Variants in FAM107A observed in about 807,000 individuals in gnomAD.
FAM107A encodes actin-associated protein FAM107A.
FAM107A carries 19 observed loss-of-function variants against 13.7 expected under a neutral mutation model. That is an observed-to-expected ratio of 1.38 (90% CI 0.97 to 2.03). The LOEUF (loss-of-function observed/expected upper bound fraction) is 2.03, where lower values mean the gene tolerates loss of function less well. FAM107A is among the 30% of genes most tolerant of loss of function. The probability of loss-of-function intolerance (pLI) is 0.00; values close to 1 mark genes in which losing one functional copy is unlikely to be tolerated. For missense variants in FAM107A, 203 were observed against 184.4 expected (o/e 1.10, Z -0.58); for synonymous variants, 82 against 74.5 (o/e 1.10, Z -0.52).
At chr3:58,586,933 C>T in exon 1 of FAM107A, 3 of 1,529,674 alleles carry the variant, frequency 2.0e-6, no homozygotes, top group South Asian at 1.2e-5. Flanking sequence ...AGCCTCTGCG[C>T]CATGCCCCCG....
upstream of FAM107A, among the ~76,000 whole-genome samples, chr3:58,581,346 A>G (rs2065540269): frequency 1.3e-5 from 2 of 152,242 alleles, no homozygotes; most frequent in Non-Finnish European, 2.9e-5. Flanking sequence ...TCCTGCATCT[A>G]TAGTGGGCTG....
chr3:58,597,981 T>C (rs542803041), intron 1 of FAM107A, among the ~76,000 whole-genome samples: 1 of 152,202 alleles, frequency 6.6e-6, no homozygotes, highest in African/African-American at 2.4e-5. Context: ...TAAGGAACCC[T>C]TCTCCCTGGA....
chr3:58,569,646 G>A lies in FAM107A; in HGVS notation c.170+45C>T. ...AGGGTCACCTTCCCCATCCCCCACA[G>A]GCCCAGGTGCTTGCGGGGCCCAGGC... On this transcript the variant is annotated intron_variant, in intron 2 of 3. Transcript: ENST00000360997. The surrounding 1 kb of genome is among the most constrained non-coding windows in gnomAD (Gnocchi z 5.7). The A allele has an allele frequency of 2.0e-6, 3 of 1,536,330 alleles. No homozygotes were observed.
At chr3:58,595,590 C>T (rs2065700429) in intron 1 of FAM107A, among the ~76,000 whole-genome samples, 1 of 152,178 alleles carries the variant, frequency 6.6e-6, no homozygotes, top group Non-Finnish European at 1.5e-5. Flanking sequence ...CCTAACTCCA[C>T]CGCCTATCCC....
intron 1 of FAM107A, among the ~76,000 whole-genome samples, chr3:58,605,244 C>T (rs932521680): frequency 6.6e-6 from 1 of 152,168 alleles, no homozygotes; most frequent in Non-Finnish European, 1.5e-5. Flanking sequence ...TCTCCCAGCC[C>T]CAGTTCACTC....
At chr3:58,606,248 A>T (rs1235663004) in intron 1 of FAM107A, among the ~76,000 whole-genome samples, 4 of 152,142 alleles carry the variant, frequency 2.6e-5, no homozygotes, top group African/African-American at 9.7e-5. Flanking sequence ...AGCACCTGCC[A>T]CCATGCCTGG....
chr3:58,579,009 G>A (rs1487396959), upstream of FAM107A, among the ~76,000 whole-genome samples: 2 of 152,238 alleles, frequency 1.3e-5, no homozygotes, highest in African/African-American at 4.8e-5. Context: ...TGCTGTCAGG[G>A]AACCTACCTT....
chr3:58,586,833 C>G, intron 1 of FAM107A: 1 of 1,518,916 alleles, frequency 6.6e-7, no homozygotes, highest in Non-Finnish European at 8.8e-7. Flanking sequence ...CTTCCCGCGG[C>G]GAGGGTGGCG....
chr3:58,622,927 G>A (rs967684145), intron 1 of FAM107A, among the ~76,000 whole-genome samples: 1 of 152,186 alleles, frequency 6.6e-6, no homozygotes, highest in African/African-American at 2.4e-5. Context: ...GAGGTGCAAG[G>A]CCCCTTTCTC....
At chr3:58,582,734 G>A (rs920965389), upstream of FAM107A, among the ~76,000 whole-genome samples, 2 of 152,258 alleles carry the variant, frequency 1.3e-5, no homozygotes, top group African/African-American at 4.8e-5. Context: ...CACCGTGGCT[G>A]CCATGGAGTC....
At chr3:58,599,942 C>T (rs1475817140) in intron 1 of FAM107A, among the ~76,000 whole-genome samples, 1 of 151,798 alleles carries the variant, frequency 6.6e-6, no homozygotes, top group Non-Finnish European at 1.5e-5. Context: ...TCCCAAAGTT[C>T]TGGGATTACA....
chr3:58,626,073 G>A (rs781143056), intron 1 of FAM107A, among the ~76,000 whole-genome samples: 8 of 152,292 alleles, frequency 5.3e-5, no homozygotes, highest in East Asian at 1.9e-4. Context: ...TCATCGCCAC[G>A]GTAGGTGGGT....
rs151321416 is a variant in FAM107A, at chr3:58,604,754, A to G, written c.-69-15485T>C. Among the ~76,000 whole-genome samples, 753 of 152,332 alleles carry G rather than the reference A, an allele frequency of 4.9e-3. 10 individuals are homozygous for G. The highest frequency in any genetic ancestry group is 0.016 in the African/African-American group (683 of 41,564). ...CTGGACTAGGTGCTTCAGGGTCTTCATCTACTAACTCTGACCTCCAGACCA... is the reference window on the plus strand; with the variant it reads ...CTGGACTAGGTGCTTCAGGGTCTTCGTCTACTAACTCTGACCTCCAGACCA... On this transcript the variant is annotated intron_variant, in intron 1 of 3. Coordinates refer to the FAM107A transcript ENST00000465970. This position sits in a 1 kb window ranked among gnomAD's most constrained non-coding sequence, Gnocchi z 4.1.
chr3:58,567,499 C>T (rs2063634935), intron 2 of FAM107A, 135 bp from the exon 3 acceptor site: 2 of 954,022 alleles, frequency 2.1e-6, no homozygotes, highest in Non-Finnish European at 3.0e-6. Flanking sequence ...GAGGTGGACC[C>T]ATTACTGTCC....
At chr3:58,599,304 C>G (rs1360986549) in intron 1 of FAM107A, among the ~76,000 whole-genome samples, 1 of 152,198 alleles carries the variant, frequency 6.6e-6, no homozygotes, top group African/African-American at 2.4e-5. Context: ...GCCTTTCTGT[C>G]CACATGGGTG....
intron 1 of FAM107A, among the ~76,000 whole-genome samples, chr3:58,584,139 C>G (rs945779054): frequency 6.6e-6 from 1 of 152,130 alleles, no homozygotes. Context: ...TCCAGAGGCA[C>G]ACGGTCCTGG....
chr3:58,568,567 TGTG>T (rs1013167240), intron 2 of FAM107A, among the ~76,000 whole-genome samples: 5 of 152,228 alleles, frequency 3.3e-5, no homozygotes, highest in Non-Finnish European at 5.9e-5. Context: ...TGTTTTTGAT[TGTG>T]GTGATGTTTT....
chr3:58,611,676 G>A (rs895068709), intron 1 of FAM107A, among the ~76,000 whole-genome samples: 2 of 152,192 alleles, frequency 1.3e-5, no homozygotes, highest in Admixed American at 1.3e-4. Context: ...GTTCTGGGAC[G>A]GCTGCCTGGG....
At chr3:58,584,202 T>C (rs1462498159) in intron 1 of FAM107A, among the ~76,000 whole-genome samples, 2 of 152,180 alleles carry the variant, frequency 1.3e-5, no homozygotes, top group African/African-American at 2.4e-5. Flanking sequence ...ACAAGTCATG[T>C]TACCATCTGA....
Sources: allele counts gnomAD v4.1 joint callset (sites outside exome capture counted in the v4.1 genomes callset), GRCh38; gene constraint gnomAD v4.1.1; non-coding constraint Gnocchi (gnomAD v3.1); transcripts MANE v1.5; gene names NCBI Gene and HGNC (gene_info 2026-07-23, HGNC 2026-07-21).